PACRG: variants seen among roughly 807,000 people sequenced by gnomAD.
PACRG encodes the protein parkin coregulated, also known as parkin coregulated gene protein.
PACRG carries 29 observed loss-of-function variants against 29.7 expected under a neutral mutation model. That is an observed-to-expected ratio of 0.98 (90% CI 0.73 to 1.33). PACRG has a LOEUF of 1.33. Ranked by LOEUF, PACRG falls within the 40% of genes most tolerant of loss-of-function variation. PACRG has a pLI of 0.00. For missense variants in PACRG, 279 were observed against 316.2 expected (o/e 0.88, Z 0.89); for synonymous variants, 116 against 118.7 (o/e 0.98, Z 0.15).
At chr6:163,016,235 G>A (rs1806095932) in intron 2 of PACRG, 1 of 152,190 alleles carries the variant, frequency 6.6e-6, no homozygotes, top group Admixed American at 6.5e-5. Flanking sequence ...ATGTGACAGT[G>A]TGAGTTGGGT....
chr6:162,965,407 C>T (rs1400387095), intron 2 of PACRG, among the ~76,000 whole-genome samples: 6 of 152,168 alleles, frequency 3.9e-5, no homozygotes, highest in East Asian at 1.9e-4. Context: ...GGAAGTCCAA[C>T]GTTAAGGCAC....
At chr6:163,001,062 G>A (rs369482578) in intron 2 of PACRG, among the ~76,000 whole-genome samples, 5 of 152,180 alleles carry the variant, frequency 3.3e-5, no homozygotes, top group Non-Finnish European at 5.9e-5. Context: ...TGGCACTTGC[G>A]AGGCCTTGGG....
intron 2 of PACRG, among the ~76,000 whole-genome samples, chr6:162,942,670 T>A (rs1357299076): frequency 6.6e-6 from 1 of 152,210 alleles, no homozygotes; most frequent in Admixed American, 6.5e-5. Flanking sequence ...TATGTTATAA[T>A]GATACCTCAT....
At chr6:163,050,943 C>T (rs1434138210) in intron 2 of PACRG, among the ~76,000 whole-genome samples, 1 of 152,110 alleles carries the variant, frequency 6.6e-6, no homozygotes, top group Non-Finnish European at 1.5e-5. Flanking sequence ...ATTGCCTTTC[C>T]CCATGATCTG....
At chr6:162,848,754 T>A (rs2128421962) in intron 2 of PACRG, among the ~76,000 whole-genome samples, 1 of 152,356 alleles carries the variant, frequency 6.6e-6, no homozygotes, top group South Asian at 2.1e-4. Context: ...TGGATAATAA[T>A]CACTTACTGA....
At chr6:163,080,691 A>C (rs1417697019) in intron 3 of PACRG, among the ~76,000 whole-genome samples, 1 of 152,222 alleles carries the variant, frequency 6.6e-6, no homozygotes, top group African/African-American at 2.4e-5. Flanking sequence ...ACAAATACTA[A>C]ATTATATTCT....
chr6:163,235,156 C>T (rs1282164808), intron 4 of PACRG, among the ~76,000 whole-genome samples: 2 of 152,116 alleles, frequency 1.3e-5, no homozygotes, highest in Non-Finnish European at 2.9e-5. Context: ...CCATCGTAAG[C>T]CGGCTGAATG....
intron 1 of PACRG, among the ~76,000 whole-genome samples, chr6:162,755,284 T>C (rs868413094): frequency 6.6e-6 from 1 of 152,170 alleles, no homozygotes; most frequent in African/African-American, 2.4e-5. Flanking sequence ...TTCTAATTTG[T>C]TTATTATTTA....
At chr6:162,943,509 T>A (rs1302649423) in intron 2 of PACRG, among the ~76,000 whole-genome samples, 1 of 152,094 alleles carries the variant, frequency 6.6e-6, no homozygotes, top group Non-Finnish European at 1.5e-5. Context: ...GCAACCCTGC[T>A]CTCCTCAGTA....
intron 4 of PACRG, among the ~76,000 whole-genome samples, chr6:163,145,608 C>T (rs1025411374): frequency 6.0e-4 from 91 of 152,290 alleles, no homozygotes; most frequent in African/African-American, 2.0e-3. Flanking sequence ...CTGGCTTCAG[C>T]GGATAAAGGC....
At chr6:162,733,783 A>C (rs1779957066) in intron 1 of PACRG, among the ~76,000 whole-genome samples, 1 of 152,080 alleles carries the variant, frequency 6.6e-6, no homozygotes, top group African/African-American at 2.4e-5. Flanking sequence ...TTGATGCTTC[A>C]AATTTCTGTT....
chr6:163,056,181 C>T (rs943305240), intron 2 of PACRG, among the ~76,000 whole-genome samples: 2 of 152,262 alleles, frequency 1.3e-5, no homozygotes, highest in Non-Finnish European at 2.9e-5. Flanking sequence ...AATGGTACAG[C>T]TATTCTGGAA....
At chr6:163,070,530 C>A (rs1208569765) in intron 3 of PACRG, among the ~76,000 whole-genome samples, 1 of 151,468 alleles carries the variant, frequency 6.6e-6, no homozygotes, top group Non-Finnish European at 1.5e-5. Context: ...TAACTCAAAT[C>A]AAAAAACATA....
intron 4 of PACRG, among the ~76,000 whole-genome samples, chr6:163,115,459 A>T (rs1188827885): frequency 6.6e-6 from 1 of 152,156 alleles, no homozygotes; most frequent in Admixed American, 6.5e-5. Context: ...AGAGTGATGG[A>T]TTCTAAATTG....
chr6:163,141,764 C>A (rs943240382), intron 4 of PACRG, among the ~76,000 whole-genome samples: 1 of 151,820 alleles, frequency 6.6e-6, no homozygotes, highest in African/African-American at 2.4e-5. Context: ...CTGTATTATC[C>A]TAACAATATA....
chr6:163,281,216 G>A (rs938426286), intron 4 of PACRG, among the ~76,000 whole-genome samples: 2 of 152,158 alleles, frequency 1.3e-5, no homozygotes, highest in Non-Finnish European at 2.9e-5. Context: ...GAGCTTGGGG[G>A]TGCAGAGCAG....
intron 2 of PACRG, among the ~76,000 whole-genome samples, chr6:162,957,968 C>A (rs554303008): frequency 1.3e-5 from 2 of 152,264 alleles, no homozygotes; most frequent in African/African-American, 4.8e-5. Context: ...ACTTGAATTT[C>A]ATGTTTAAAG....
At chr6:162,830,363 C>T (rs903330228) in intron 2 of PACRG, among the ~76,000 whole-genome samples, 1 of 152,178 alleles carries the variant, frequency 6.6e-6, no homozygotes, top group Non-Finnish European at 1.5e-5. Flanking sequence ...CCACATGGCT[C>T]CAGCCATACT....
rs1298040131 is a variant in PACRG, at chr6:163,269,821, GAGAA to G, written c.614-44992_614-44989del. 2.0e-4 allele frequency among the ~76,000 whole-genome samples: 9 copies of G among 45,270 alleles called. 1 individual carries two copies. The highest frequency in any genetic ancestry group is 8.3e-5 in the African/African-American group (1 of 11,978). 29.7% of individuals were successfully genotyped at this position (45,270 alleles called of 152,430 possible). A position where few individuals can be genotyped will look rare whatever the true frequency, so the allele number is the denominator to read the frequency against. On this transcript the variant is annotated intron_variant, in intron 4 of 4. Coordinates refer to ENST00000366888, the MANE Select transcript of PACRG (RefSeq NM_001080379.2). ...GGAAGGAAGGAAGGAAGGAAGGAAG[GAGAA>G]AGAAAGAAAGAAAAAGAAAGAAAGA...
Sources: gnomAD v4.1 joint callset for allele counts (sites outside exome capture counted in the v4.1 genomes callset) on GRCh38, gnomAD v4.1.1 for gene constraint, MANE v1.5 for transcripts, NCBI Gene and HGNC (gene_info 2026-07-23, HGNC 2026-07-21) for gene names.